Variants in PLEKHM3 observed in about 807,000 individuals in gnomAD.
PLEKHM3 encodes pleckstrin homology domain containing M3.
A neutral mutation model predicts 81.8 loss-of-function variants in PLEKHM3; 45 were observed. The ratio of observed to expected loss-of-function variants is 0.55; its 90% CI spans 0.43 to 0.71. The LOEUF (loss-of-function observed/expected upper bound fraction) is 0.71. Among genes scored for constraint, PLEKHM3 ranks in the 30% least tolerant of loss-of-function variants. The pLI, the probability that PLEKHM3 is intolerant of heterozygous loss-of-function variation, is 0.00. For synonymous variants in PLEKHM3, 352 were observed against 356.4 expected (o/e 0.99, Z 0.14); for missense variants, 788 against 924.3 (o/e 0.85, Z 1.91).
At chr2:207,988,653 T>G (rs1490974114) in intron 2 of PLEKHM3, among the ~76,000 whole-genome samples, 1 of 152,168 alleles carries the variant, frequency 6.6e-6, no homozygotes, top group Non-Finnish European at 1.5e-5. Context: ...TTCTCCATCT[T>G]CCAATATCCC....
At position 207,975,836 on chromosome 2, in the gene PLEKHM3, A is replaced by C. The variant is rs77334739; in HGVS notation, c.1546+815T>G. ...GGTCTTGAACTCCTGACCTCAAGTA[A>C]TCCACCTGCCTTGGCCTCCCGAAGT... On this transcript the variant is annotated intron_variant, in intron 3 of 7. Transcript: ENST00000427836. Among the ~76,000 whole-genome samples, 25 of 150,948 alleles carry C rather than the reference A, an allele frequency of 1.7e-4. No homozygotes were observed. In the East Asian group the frequency reaches 4.9e-3, roughly 29 times the overall value.
rs1436064719 is a variant in PLEKHM3 at position 207,823,520 on chromosome 2, C to T, written c.*4799G>A. The T allele has an allele frequency of 6.6e-6, 1 of 152,234 alleles. No individual in the cohort carries two copies. The highest frequency in any genetic ancestry group is 2.4e-5 in the African/African-American group (1 of 41,448). The allele number at this position is 152,234 out of a possible 1,614,324, so 9.4% of individuals were successfully genotyped here. A position where few individuals can be genotyped will look rare whatever the true frequency, so the allele number is the denominator to read the frequency against. On this transcript the variant is annotated 3_prime_UTR_variant, in exon 8 of 8. Coordinates refer to ENST00000427836, the MANE Select transcript of PLEKHM3 (RefSeq NM_001080475.3). ...GTTTCACCATGTTGGCCAGGCTGGC[C>T]TCAAACTCCTGACCTCAAGTGATTC...
Position 208,001,420 on chromosome 2 carries a change from C to T in PLEKHM3, c.220G>A (p.Asp74Asn), listed in dbSNP as rs757141548. 25 of 1,614,034 alleles carry T rather than the reference C, an allele frequency of 1.5e-5. No homozygotes were observed. The highest frequency in any genetic ancestry group is 1.9e-5 in the Non-Finnish European group (23 of 1,180,030). The change falls in exon 2 of 8, where the codon GAC becomes AAC. Residue 74 changes from aspartate (D) to asparagine (N), a missense_variant. Asp to Asn is a conservative substitution (Grantham distance 23). Transcript: ENST00000427836. ...TCTAAGAGCCTGCTCTTACAGTGGT[C>T]CCAAATCATGCCCCCCTTGCCCAGG... is the stretch of plus-strand genomic sequence containing the variant. ...TSLGKGGMIW[D>N]HCKSRLLETK... is the part of the protein sequence containing the mutation.
At chr2:207,964,206 C>T (rs777534770) in intron 3 of PLEKHM3, among the ~76,000 whole-genome samples, 6 of 149,960 alleles carry the variant, frequency 4.0e-5, no homozygotes, top group South Asian at 2.1e-4. Context: ...AGTGAGACTC[C>T]GTCTCAAAAA....
chr2:207,956,756 CA>C lies in PLEKHM3; in HGVS notation c.1547-10245del. ...TTTTTTTTTTTTTTTTGCAGAGACC[CA>C]GGGGTCTTGCTATGTTGTGCAAGGC... On this transcript the variant is annotated intron_variant, in intron 3 of 7. Coordinates refer to ENST00000427836, the MANE Select transcript of PLEKHM3 (RefSeq NM_001080475.3). Among the ~76,000 whole-genome samples, 2 of 112,352 alleles carry C rather than the reference CA, an allele frequency of 1.8e-5. 1 individual carries two copies. Among genetic ancestry groups the C allele is most frequent in the Middle Eastern group, 0.014 (2 of 148 alleles). The allele number at this position is 112,352 out of a possible 152,430, so 73.7% of individuals were successfully genotyped here.
intron 5 of PLEKHM3, among the ~76,000 whole-genome samples, chr2:207,927,700 C>T (rs1336168381): frequency 4.7e-5 from 7 of 147,626 alleles, no homozygotes; most frequent in Middle Eastern, 3.8e-3. Flanking sequence ...CGTGGTGGCA[C>T]ATGCCTGTAA....
chr2:208,016,668 A>ATACACACACACAC lies in PLEKHM3; in HGVS notation c.-319+8720_-319+8721insGTGTGTGTGTGTA, dbSNP rs11436592. 4.9e-3 allele frequency among the ~76,000 whole-genome samples: 303 copies of ATACACACACACAC among 61,568 alleles called. 5 individuals carry two copies. Among genetic ancestry groups the ATACACACACACAC allele is most frequent in the Admixed American group, 0.015 (71 of 4,582 alleles). The allele number at this position is 61,568 out of a possible 152,430, so 40.4% of individuals were successfully genotyped here. A position where few individuals can be genotyped will look rare whatever the true frequency, so the allele number is the denominator to read the frequency against. Reference sequence around the variant, plus strand: ...TTGTCTCAAAAAAAAAAAAAAAAAAAATACACACACACACACACACACACA... The same window carrying ATACACACACACAC: ...TTGTCTCAAAAAAAAAAAAAAAAAAATACACACACACACATACACACACACACACACACACACA... On this transcript the variant is annotated intron_variant, in intron 1 of 7. Coordinates refer to ENST00000427836, the MANE Select transcript of PLEKHM3 (RefSeq NM_001080475.3).
chr2:207,908,498 C>T lies in PLEKHM3; in HGVS notation c.1950+16G>A, dbSNP rs1688697192. The T allele has an allele frequency of 1.9e-6, 3 of 1,602,898 alleles. No homozygotes were observed. Among genetic ancestry groups the T allele is most frequent in the Non-Finnish European group, 2.6e-6 (3 of 1,174,574 alleles). Reference sequence around the variant, plus strand: ...AGGAAAGCAACAAAAATGAAACAGCCCCTCTGAGCACTTACCTGCTGCAGG... The same window carrying T: ...AGGAAAGCAACAAAAATGAAACAGCTCCTCTGAGCACTTACCTGCTGCAGG... On this transcript the variant is annotated intron_variant, in intron 6 of 7. Coordinates refer to ENST00000427836, the MANE Select transcript of PLEKHM3 (RefSeq NM_001080475.3).
intron 5 of PLEKHM3, chr2:207,930,012 A>C (rs1689534888): frequency 1.5e-6 from 1 of 657,814 alleles, no homozygotes; most frequent in Non-Finnish European, 2.7e-6. Flanking sequence ...TTCAAGTATA[A>C]GCTAGTTTGT....
At chr2:207,932,155 A>G (rs1355574652) in intron 4 of PLEKHM3, among the ~76,000 whole-genome samples, 3 of 152,228 alleles carry the variant, frequency 2.0e-5, no homozygotes, top group East Asian at 1.9e-4. Context: ...TCCAGCCAAT[A>G]TATCCATCCA....
chr2:207,846,182 G>A (rs112300427), intron 7 of PLEKHM3, among the ~76,000 whole-genome samples: 14 of 152,062 alleles, frequency 9.2e-5, no homozygotes, highest in African/African-American at 3.1e-4. Context: ...TTGCTCTGTC[G>A]CCCAGGCTGG....
chr2:207,881,043 A>G (rs532455511), intron 6 of PLEKHM3, among the ~76,000 whole-genome samples: 1 of 151,684 alleles, frequency 6.6e-6, no homozygotes, highest in East Asian at 1.9e-4. Context: ...AATATAGTAG[A>G]TCCTCTTCTG....
At chr2:208,011,817 G>A (rs1295403178) in intron 1 of PLEKHM3, among the ~76,000 whole-genome samples, 15 of 63,950 alleles carry the variant, frequency 2.3e-4, no homozygotes, top group African/African-American at 3.3e-4. Context: ...TTTTTTTTGA[G>A]ACGGAGCTTC....
At chr2:207,975,895 C>T (rs1691292585) in intron 3 of PLEKHM3, among the ~76,000 whole-genome samples, 1 of 121,402 alleles carries the variant, frequency 8.2e-6, no homozygotes, top group South Asian at 2.5e-4. Flanking sequence ...CTGCACCTGG[C>T]ACAATTTTTT....
chr2:207,977,218 G>A lies in PLEKHM3; in HGVS notation c.979C>T (p.Leu327Phe). 6.2e-7 allele frequency: 1 copy of A among 1,614,154 alleles called. No individual in the cohort carries two copies. Among genetic ancestry groups the A allele is most frequent in the Non-Finnish European group, 8.5e-7 (1 of 1,180,012 alleles). Residue 327 changes from leucine to phenylalanine, a missense_variant, in exon 3 of 8, where the codon CTT becomes TTT. Physicochemically the swap from Leu to Phe is conservative, Grantham distance 22. Coordinates refer to ENST00000427836, the MANE Select transcript of PLEKHM3 (RefSeq NM_001080475.3). ...TGTGTATAGTCATCATGATGGCCAA[G>A]CCCTGGTGAGATTGTCAGCTCATTC... is the stretch of plus-strand genomic sequence containing the variant. ...RQNELTISPG[L>F]GHHDDYTQNH... is the part of the protein sequence containing the mutation.
chr2:208,017,414 A>C (rs1692958637), intron 1 of PLEKHM3, among the ~76,000 whole-genome samples: 1 of 152,150 alleles, frequency 6.6e-6, no homozygotes, highest in African/African-American at 2.4e-5. Flanking sequence ...CTTTGAAATA[A>C]GGTTTTAATC....
chr2:207,967,868 G>A (rs573421767), intron 3 of PLEKHM3, among the ~76,000 whole-genome samples: 1 of 152,120 alleles, frequency 6.6e-6, no homozygotes, highest in Admixed American at 6.5e-5. Flanking sequence ...ACCTAGGGTC[G>A]CACAGCTGGT....
At chr2:207,992,680 C>T (rs553625511) in intron 2 of PLEKHM3, among the ~76,000 whole-genome samples, 4 of 151,764 alleles carry the variant, frequency 2.6e-5, no homozygotes, top group South Asian at 4.2e-4. Context: ...AATTATCTAT[C>T]GTGCACAGCA....
Position 207,977,278 on chromosome 2 carries a change from C to T in PLEKHM3, c.919G>A (p.Val307Met). Residue 307 changes from valine (V) to methionine (M), a missense_variant, in exon 3 of 8, where the codon GTG becomes ATG. By Grantham distance (21) the Val-to-Met change is conservative. Coordinates refer to ENST00000427836, the MANE Select transcript of PLEKHM3 (RefSeq NM_001080475.3). Reference protein sequence around the residue: ...LDWGQKLWEVVHAAVPGYMGR... With the variant: ...LDWGQKLWEVMHAAVPGYMGR... ...ATGTAACCGGGCACAGCAGCATGCA[C>T]TACTTCCCAAAGCTTCTGTCCCCAG... The T allele has an allele frequency of 6.2e-7, 1 of 1,614,206 alleles. No individual in the cohort carries two copies. Among genetic ancestry groups the T allele is most frequent in the Non-Finnish European group, 8.5e-7 (1 of 1,180,034 alleles).
Sources: gnomAD v4.1 joint callset for allele counts (sites outside exome capture counted in the v4.1 genomes callset) on GRCh38, gnomAD v4.1.1 for gene constraint, MANE v1.5 for transcripts, NCBI Gene and HGNC (gene_info 2026-07-23, HGNC 2026-07-21) for gene names.